The following OTOGL variants were observed in gnomAD, a reference collection of about 807,000 sequenced individuals.
OTOGL encodes otogelin like.
OTOGL carries 285 observed loss-of-function variants against 318.5 expected under a neutral mutation model. The ratio of observed to expected loss-of-function variants is 0.89; its 90% CI spans 0.81 to 0.99. The LOEUF is 0.99. OTOGL is among the 50% of genes least tolerant of loss of function. The probability of loss-of-function intolerance (pLI) is 0.00; values close to 1 mark genes in which losing one functional copy is unlikely to be tolerated. For synonymous variants in OTOGL, 987 were observed against 936.5 expected, an observed-to-expected ratio of 1.05 and a Z score of -0.99; for missense variants, 2,899 against 2,845.6, an observed-to-expected ratio of 1.02 and a Z score of -0.43.
At chr12:80,241,036 T>TA (rs964611039) in intron 11 of OTOGL, among the ~76,000 whole-genome samples, 3 of 152,026 alleles carry the variant, frequency 2.0e-5, no homozygotes, top group Admixed American at 2.0e-4. Flanking sequence ...ACTTTTAAAA[T>TA]AAAAAACCAG....
chr12:80,299,879 G>A (rs1383027166), intron 27 of OTOGL, among the ~76,000 whole-genome samples: 1 of 152,080 alleles, frequency 6.6e-6, no homozygotes, highest in African/African-American at 2.4e-5. Context: ...TGAAAAGTAA[G>A]GCGTATGGCA....
At chr12:80,157,501 G>A (rs541826024) in intron 1 of OTOGL, among the ~76,000 whole-genome samples, 13 of 152,172 alleles carry the variant, frequency 8.5e-5, no homozygotes, top group South Asian at 6.2e-4. Flanking sequence ...CATTTTTGCC[G>A]AGACCAAAGT....
chr12:80,126,509 A>G (rs1259002837), intron 1 of OTOGL, among the ~76,000 whole-genome samples: 2 of 152,090 alleles, frequency 1.3e-5, no homozygotes, highest in Non-Finnish European at 2.9e-5. Context: ...AAAAGAATGT[A>G]TATTCTGTTG....
In OTOGL at chr12:80,339,298, G is replaced by GTTTTTTTTTTT. The variant is rs10715159; in HGVS notation, c.5050+49_5050+59dup. The GTTTTTTTTTTT allele has an allele frequency of 5.3e-4, 286 of 538,038 alleles. 2 individuals carry two copies. Among genetic ancestry groups the GTTTTTTTTTTT allele is most frequent in the South Asian group, 1.4e-3 (45 of 31,332 alleles). 33.3% of individuals were successfully genotyped at this position (538,038 alleles called of 1,614,324 possible). On this transcript the variant is annotated intron_variant, in intron 43 of 58. Coordinates refer to ENST00000547103, the MANE Select transcript of OTOGL (RefSeq NM_001378609.3). ...TGCCCTTCAAATCTTGATTTCGTCT[G>GTTTTTTTTTTT]TTTTTTTTTTTTTTTTTTTTTTTTT...
At chr12:80,191,016 G>A (rs1875657046) in intron 1 of OTOGL, among the ~76,000 whole-genome samples, 1 of 152,220 alleles carries the variant, frequency 6.6e-6, no homozygotes, top group South Asian at 2.1e-4. Flanking sequence ...TTGCAGAGGA[G>A]TGGGATGGGA....
intron 43 of OTOGL, 35 bp downstream of exon 43, chr12:80,339,299 T>TTTTC: frequency 4.3e-6 from 2 of 465,166 alleles, no homozygotes. Flanking sequence ...ATTTCGTCTG[T>TTTTC]TTTTTTTTTT....
In OTOGL at chr12:80,302,799, C is replaced by T; in HGVS notation, c.3213+16C>T. The T allele has an allele frequency of 6.9e-7, 1 of 1,441,896 alleles. No individual in the cohort carries two copies. 89.3% of individuals were successfully genotyped at this position (1,441,896 alleles called of 1,614,324 possible). On this transcript the variant is annotated intron_variant, in intron 28 of 58. Transcript: ENST00000547103. The stretch of plus-strand genomic sequence containing the variant: ...ACAGTGGAAGGTAGGTCAACCTAAG[C>T]TCCAAATGAGATGTAATGAATAAAA...
At chr12:80,318,798 T>A (rs1047244394) in intron 33 of OTOGL, 85 bp downstream of exon 33, 17 of 1,000,648 alleles carry the variant, frequency 1.7e-5, no homozygotes, top group Admixed American at 4.3e-5. Flanking sequence ...GAGAATCTAA[T>A]ATGTTTATGG....
chr12:80,288,498 G>T (rs114517352), intron 26 of OTOGL, among the ~76,000 whole-genome samples: 1,928 of 152,172 alleles, frequency 0.013, 38 homozygotes, highest in African/African-American at 0.044. Flanking sequence ...GTGTTTTCCA[G>T]CATGGTTCCA....
At chr12:80,342,327 C>G (rs776430145) in intron 44 of OTOGL, among the ~76,000 whole-genome samples, 165 bp downstream of exon 44, 2 of 152,138 alleles carry the variant, frequency 1.3e-5, no homozygotes, top group African/African-American at 2.4e-5. Context: ...TACAGGCTTA[C>G]AAACACAAGA....
chr12:80,230,166 C>T (rs1214090609), intron 8 of OTOGL, among the ~76,000 whole-genome samples: 2 of 152,076 alleles, frequency 1.3e-5, no homozygotes, highest in South Asian at 4.1e-4. Context: ...AGTGTTTGAA[C>T]CATAGGAATT....
At chr12:80,234,972 T>A (rs542358920) in intron 9 of OTOGL, among the ~76,000 whole-genome samples, 4 of 152,266 alleles carry the variant, frequency 2.6e-5, no homozygotes, top group African/African-American at 9.6e-5. Context: ...CATCTCGAAA[T>A]GGTGTTTTGC....
chr12:80,239,758 C>T (rs567602563), intron 11 of OTOGL, among the ~76,000 whole-genome samples: 38 of 152,178 alleles, frequency 2.5e-4, no homozygotes, highest in African/African-American at 8.7e-4. Flanking sequence ...TATCTTCTTG[C>T]TATTCTGAAA....
intron 10 of OTOGL, 143 bp from the exon 11 acceptor site, chr12:80,239,190 G>A: frequency 2.2e-6 from 2 of 922,450 alleles, no homozygotes; most frequent in Non-Finnish European, 3.1e-6. Flanking sequence ...AATGTAGTCA[G>A]AAAAATGTTA....
intron 1 of OTOGL, among the ~76,000 whole-genome samples, chr12:80,137,986 G>C (rs1871684340): frequency 6.6e-6 from 1 of 152,138 alleles, no homozygotes; most frequent in Non-Finnish European, 1.5e-5. Flanking sequence ...GAAAAATTAA[G>C]ATTACTGTAT....
At chr12:80,225,177 G>T (rs1358132411) in intron 7 of OTOGL, among the ~76,000 whole-genome samples, 2 of 152,026 alleles carry the variant, frequency 1.3e-5, no homozygotes, top group African/African-American at 4.8e-5. Context: ...AGGGCAGTTG[G>T]TGAAATGCAT....
At chr12:80,190,880 C>CCTTTA (rs1419773805) in intron 1 of OTOGL, among the ~76,000 whole-genome samples, 1 of 149,670 alleles carries the variant, frequency 6.7e-6, no homozygotes, top group Non-Finnish European at 1.5e-5. Flanking sequence ...AATAGTTCTT[C>CCTTTA]CTTTACTTTG....
Position 80,279,630 on chromosome 12 carries a change from T to A in OTOGL, c.2928+464T>A, listed in dbSNP as rs192786059. On this transcript the variant is annotated intron_variant, in intron 26 of 58. Transcript: ENST00000547103. ...TGTTGCTGCAAAAGACATTTCTTTC[T>A]TATGGCCATGTAATATTCCATGGTG... Among the ~76,000 whole-genome samples, 29 of 151,922 alleles carry A rather than the reference T, an allele frequency of 1.9e-4. 1 individual carries two copies. Among genetic ancestry groups the A allele is most frequent in the Non-Finnish European group, 3.8e-4 (26 of 67,786 alleles).
Position 80,303,151 on chromosome 12 carries a change from A to G in OTOGL, c.3213+368A>G, listed in dbSNP as rs143315839. ...ATATTTTTAAGTTTACATGCAGTAA[A>G]ATTATTATTATTTTTTTTTTTTGAG... On this transcript the variant is annotated intron_variant, in intron 28 of 58. Transcript: ENST00000547103. Among the ~76,000 whole-genome samples the G allele has an allele frequency of 4.3e-3, 647 of 152,130 alleles. 6 individuals are homozygous for G. Among genetic ancestry groups the G allele is most frequent in the African/African-American group, 0.015 (628 of 41,502 alleles).
Sources: gnomAD v4.1 joint callset for allele counts (sites outside exome capture counted in the v4.1 genomes callset) on GRCh38, gnomAD v4.1.1 for gene constraint, MANE v1.5 for transcripts, NCBI Gene and HGNC (gene_info 2026-07-23, HGNC 2026-07-21) for gene names.